TAB2: variants seen among roughly 807,000 people sequenced by gnomAD.
TAB2 encodes TGF-beta-activated kinase 1 and MAP3K7-binding protein 2.
TAB2 carries 3 observed loss-of-function variants against 65.0 expected under a neutral mutation model. That is an observed-to-expected ratio of 0.05 (90% CI 0.02 to 0.12). The LOEUF is 0.12. Ranked by LOEUF, TAB2 falls within the 10% of genes least tolerant of loss-of-function variation. The probability of loss-of-function intolerance (pLI) is 1.00; values close to 1 mark genes in which losing one functional copy is unlikely to be tolerated. For missense variants in TAB2, 623 were observed against 840.3 expected, an observed-to-expected ratio of 0.74 and a Z score of 3.20; for synonymous variants, 298 against 285.1, an observed-to-expected ratio of 1.05 and a Z score of -0.46.
intron 1 of TAB2, among the ~76,000 whole-genome samples, chr6:149,306,001 T>C (rs904259216): frequency 6.6e-6 from 1 of 152,236 alleles, no homozygotes; most frequent in African/African-American, 2.4e-5. Context: ...TTGGTTCCCT[T>C]TTTCTGTAAT....
chr6:149,285,815 C>T (rs1217165394), intron 1 of TAB2, among the ~76,000 whole-genome samples: 1 of 152,102 alleles, frequency 6.6e-6, no homozygotes, highest in Non-Finnish European at 1.5e-5. Flanking sequence ...ACCTGGAGGA[C>T]TTGTTAAAAC....
At chr6:149,291,978 C>T (rs1200105161) in intron 1 of TAB2, among the ~76,000 whole-genome samples, 5 of 152,138 alleles carry the variant, frequency 3.3e-5, no homozygotes, top group African/African-American at 1.2e-4. Context: ...ATGGTGCCAA[C>T]CCTTGAAAGT....
chr6:149,370,890 A>AC (rs1296803011), intron 2 of TAB2, among the ~76,000 whole-genome samples: 28 of 151,890 alleles, frequency 1.8e-4, no homozygotes, highest in African/African-American at 4.8e-4. Context: ...ACATGGCAAA[A>AC]CCCTGTCTCT....
chr6:149,357,438 C>A (rs1337200825), intron 1 of TAB2, among the ~76,000 whole-genome samples: 1,896 of 127,434 alleles, frequency 0.015, 29 homozygotes, highest in Non-Finnish European at 0.02. Context: ...AAAACACACA[C>A]ACACACACAC....
chr6:149,273,707 C>T (rs1330632290), intron 1 of TAB2, among the ~76,000 whole-genome samples: 1 of 152,200 alleles, frequency 6.6e-6, no homozygotes, highest in Non-Finnish European at 1.5e-5. Context: ...GCTGTAACAA[C>T]CAACATGAGG....
intron 1 of TAB2, among the ~76,000 whole-genome samples, chr6:149,367,328 A>G (rs1781073044): frequency 6.6e-6 from 1 of 152,134 alleles, no homozygotes; most frequent in Non-Finnish European, 1.5e-5. Flanking sequence ...TAATGACATA[A>G]GAGAAGGGAG....
intron 2 of TAB2, among the ~76,000 whole-genome samples, chr6:149,371,692 G>T (rs1781232028): frequency 2.0e-5 from 3 of 152,092 alleles, no homozygotes. Flanking sequence ...AAAACAACCA[G>T]TAGGGTAACT....
intron 1 of TAB2, among the ~76,000 whole-genome samples, chr6:149,352,797 C>G (rs1179971669): frequency 6.6e-6 from 1 of 152,148 alleles, no homozygotes; most frequent in Non-Finnish European, 1.5e-5. Context: ...GGGCTTTATA[C>G]TTAGGGACTT....
intron 1 of TAB2, among the ~76,000 whole-genome samples, chr6:149,325,450 C>T (rs1276727933): frequency 6.6e-6 from 1 of 152,158 alleles, no homozygotes; most frequent in African/African-American, 2.4e-5. Flanking sequence ...TTTTAATTTA[C>T]TGTAACTCCT....
chr6:149,400,611 G>A, intron 6 of TAB2: 3 of 1,614,214 alleles, frequency 1.9e-6, no homozygotes, highest in Non-Finnish European at 2.5e-6. Flanking sequence ...AGACAAACCT[G>A]CACAGTTGGA....
At chr6:149,366,513 TATCTGAGTGTTA>T (rs1781044990) in intron 1 of TAB2, among the ~76,000 whole-genome samples, 1 of 152,176 alleles carries the variant, frequency 6.6e-6, no homozygotes, top group Non-Finnish European at 1.5e-5. Flanking sequence ...GCAGGTTTTT[TATCTGAGTGTTA>T]GCTACCCAAA....
chr6:149,319,364 C>T (rs1286375020), intron 1 of TAB2, among the ~76,000 whole-genome samples: 1 of 152,118 alleles, frequency 6.6e-6, no homozygotes, highest in Admixed American at 6.5e-5. Flanking sequence ...AAACTTTTGA[C>T]GGTTTGAAAC....
intron 6 of TAB2, among the ~76,000 whole-genome samples, chr6:149,407,352 G>A (rs922026981): frequency 6.6e-6 from 1 of 152,018 alleles, no homozygotes; most frequent in African/African-American, 2.4e-5. Flanking sequence ...AACATAATCT[G>A]TTACTTCAGA....
intron 1 of TAB2, among the ~76,000 whole-genome samples, chr6:149,284,497 T>G (rs1449572679): frequency 1.3e-5 from 2 of 152,198 alleles, no homozygotes; most frequent in African/African-American, 4.8e-5. Context: ...CCACAGTGCC[T>G]ATCACGAGCA....
At chr6:149,287,480 C>G (rs1423211634) in intron 1 of TAB2, among the ~76,000 whole-genome samples, 2 of 41,778 alleles carry the variant, frequency 4.8e-5, no homozygotes, top group Admixed American at 6.8e-4. Context: ...ACTTTGTTTT[C>G]TGTTTTTTTT....
At chr6:149,297,255 G>C (rs1438651263) in intron 1 of TAB2, among the ~76,000 whole-genome samples, 1 of 152,130 alleles carries the variant, frequency 6.6e-6, no homozygotes, top group Non-Finnish European at 1.5e-5. Flanking sequence ...TCTGAAGAAA[G>C]TAAATATTGA....
chr6:149,330,573 C>G (rs1313738031), intron 1 of TAB2, among the ~76,000 whole-genome samples: 2 of 152,190 alleles, frequency 1.3e-5, no homozygotes, highest in African/African-American at 4.8e-5. Context: ...TTGCTGTCTA[C>G]ATATCCTTTG....
chr6:149,365,559 T>C (rs1422145376), intron 1 of TAB2, among the ~76,000 whole-genome samples: 1 of 152,170 alleles, frequency 6.6e-6, no homozygotes, highest in Non-Finnish European at 1.5e-5. Flanking sequence ...AGATTTTCTT[T>C]TTGGTTTTCA....
At chr6:149,367,330 A>T (rs552193946) in intron 1 of TAB2, among the ~76,000 whole-genome samples, 1 of 152,220 alleles carries the variant, frequency 6.6e-6, no homozygotes, top group East Asian at 1.9e-4. Context: ...ATGACATAAG[A>T]GAAGGGAGTT....
Sources: allele counts gnomAD v4.1 joint callset (sites outside exome capture counted in the v4.1 genomes callset), GRCh38; gene constraint gnomAD v4.1.1; transcripts MANE v1.5; gene names NCBI Gene and HGNC (gene_info 2026-07-23, HGNC 2026-07-21).